Variants in SND1 observed in about 807,000 individuals in gnomAD.
SND1 encodes the protein staphylococcal nuclease and tudor domain containing 1.
SND1 carries 38 observed loss-of-function variants against 121.7 expected under a neutral mutation model. The observed-to-expected ratio is 0.31, with a 90% CI of 0.24 to 0.41. The LOEUF (loss-of-function observed/expected upper bound fraction) is 0.41, where lower values mean the gene tolerates loss of function less well. Among genes scored for constraint, SND1 ranks in the 10% least tolerant of loss-of-function variants. SND1 has a pLI of 1.00. For missense variants in SND1, 868 were observed against 1,184.6 expected (o/e 0.73, Z 3.92); for synonymous variants, 401 against 447.4 (o/e 0.90, Z 1.31).
At chr7:127,982,924 C>T (rs1034271127) in intron 15 of SND1, among the ~76,000 whole-genome samples, 1 of 152,208 alleles carries the variant, frequency 6.6e-6, no homozygotes, top group Non-Finnish European at 1.5e-5. Context: ...GTGATAACTA[C>T]ATTCCTTAAA....
intron 11 of SND1, among the ~76,000 whole-genome samples, chr7:127,823,473 CA>C (rs1348946456): frequency 6.6e-6 from 1 of 152,094 alleles, no homozygotes; most frequent in African/African-American, 2.4e-5. Flanking sequence ...CGGGACATCT[CA>C]GGGGGACTTA....
At chr7:127,968,594 G>A (rs1219432987) in intron 15 of SND1, among the ~76,000 whole-genome samples, 1 of 152,196 alleles carries the variant, frequency 6.6e-6, no homozygotes, top group Admixed American at 6.5e-5. Flanking sequence ...ATTGTGAAAT[G>A]TTATGTTCAT....
chr7:127,858,030 CA>C, intron 12 of SND1: 9 of 1,441,032 alleles, frequency 6.2e-6, no homozygotes, highest in Non-Finnish European at 8.8e-6. Context: ...ATTCCCACAT[CA>C]CATCCACCAG....
At chr7:127,891,639 G>A (rs1800010701) in intron 13 of SND1, among the ~76,000 whole-genome samples, 2 of 151,976 alleles carry the variant, frequency 1.3e-5, no homozygotes, top group African/African-American at 4.8e-5. Flanking sequence ...CTACCTCCCA[G>A]CTTCGTGTCC....
intron 16 of SND1, among the ~76,000 whole-genome samples, chr7:128,033,018 A>C (rs1563096584): frequency 6.6e-6 from 1 of 152,164 alleles, no homozygotes; most frequent in Non-Finnish European, 1.5e-5. Flanking sequence ...GCGGCTTCTC[A>C]GTCTTCGCTG....
Position 127,897,863 on chromosome 7 carries a change from T to G in SND1, c.1455-6884T>G, listed in dbSNP as rs1800150831. Among the ~76,000 whole-genome samples, 4 of 152,092 alleles carry G rather than the reference T, an allele frequency of 2.6e-5. No individual in the cohort carries two copies. In the South Asian group the frequency reaches 8.3e-4, roughly 32 times the overall value. On this transcript the variant is annotated intron_variant, in intron 13 of 23. Coordinates refer to ENST00000354725, the MANE Select transcript of SND1 (RefSeq NM_014390.4). ...TTTTTTCTTGAAATAGGATTATGAG[T>G]CATTGTTTCCTGAAATTTTTTTCTG...
intron 16 of SND1, among the ~76,000 whole-genome samples, chr7:128,060,099 C>G (rs2117032903): frequency 6.6e-6 from 1 of 152,300 alleles, no homozygotes. Context: ...CCCTTGCAAG[C>G]AGTTGCAGCT....
chr7:127,743,939 G>A (rs1223837996), intron 10 of SND1, among the ~76,000 whole-genome samples: 2 of 152,078 alleles, frequency 1.3e-5, no homozygotes, highest in Non-Finnish European at 2.9e-5. Flanking sequence ...TTATCGACGG[G>A]CATGTAAACT....
At chr7:127,858,137 G>A (rs1584622758) in intron 12 of SND1, 2 of 845,830 alleles carry the variant, frequency 2.4e-6, no homozygotes, top group Non-Finnish European at 4.2e-6. Flanking sequence ...TCTAGGGAGT[G>A]TGGGGGTGTG....
chr7:127,913,853 AAAGT>A (rs1426976551), intron 14 of SND1, among the ~76,000 whole-genome samples: 3 of 152,218 alleles, frequency 2.0e-5, no homozygotes, highest in African/African-American at 7.2e-5. Flanking sequence ...TAAACATTTC[AAAGT>A]AAGTAATTTC....
At chr7:128,033,449 A>C (rs1436024117) in intron 16 of SND1, among the ~76,000 whole-genome samples, 4 of 152,186 alleles carry the variant, frequency 2.6e-5, no homozygotes, top group Admixed American at 2.6e-4. Context: ...GGCTCGCTTG[A>C]TAAACCCTCA....
intron 15 of SND1, among the ~76,000 whole-genome samples, chr7:127,970,949 A>G (rs951580104): frequency 3.3e-5 from 5 of 152,054 alleles, no homozygotes; most frequent in Non-Finnish European, 7.3e-5. Flanking sequence ...GTCTCTATAA[A>G]TAAATAAATA....
intron 12 of SND1, among the ~76,000 whole-genome samples, chr7:127,848,892 A>C (rs1034527825): frequency 1.3e-5 from 2 of 152,184 alleles, no homozygotes; most frequent in Admixed American, 1.3e-4. Flanking sequence ...GGATGCTGGC[A>C]GGGCCTTGCT....
At chr7:127,720,376 G>C (rs3808096) in intron 9 of SND1, among the ~76,000 whole-genome samples, 9,027 of 152,150 alleles carry the variant, frequency 0.059, 385 homozygotes, top group Middle Eastern at 0.18. Context: ...GTAGTCTGCA[G>C]CTACCTTGTA....
intron 15 of SND1, among the ~76,000 whole-genome samples, chr7:127,932,681 A>ACAGCCACCACCTCCATCAG (rs1156380597): frequency 6.5e-5 from 9 of 137,670 alleles, no homozygotes; most frequent in Non-Finnish European, 1.5e-4. Flanking sequence ...TTTTTTTGCC[A>ACAGCCACCACCTCCATCAG]CAGCCACCAC....
chr7:127,872,065 G>A (rs548538459), intron 12 of SND1, among the ~76,000 whole-genome samples: 6 of 152,142 alleles, frequency 3.9e-5, no homozygotes, highest in Non-Finnish European at 8.8e-5. Flanking sequence ...CCAGAAGTTC[G>A]AGTCTGTGGT....
rs191135641 is a variant in SND1, at chr7:127,877,660, T to G, written c.1344-10242T>G. Among the ~76,000 whole-genome samples, 138 of 152,190 alleles carry G rather than the reference T, an allele frequency of 9.1e-4. 1 individual carries two copies. Among genetic ancestry groups the G allele is most frequent in the Middle Eastern group, 3.4e-3 (1 of 292 alleles). On this transcript the variant is annotated intron_variant, in intron 12 of 23. Transcript: ENST00000354725. ...GTTGCCCAGGCTGGTCTCAAACTCCTGAGCTCAAGGGATCCACCCACCTAG... is the reference window on the plus strand; with the variant it reads ...GTTGCCCAGGCTGGTCTCAAACTCCGGAGCTCAAGGGATCCACCCACCTAG...
intron 16 of SND1, among the ~76,000 whole-genome samples, chr7:128,068,760 G>C (rs1793359639): frequency 6.6e-6 from 1 of 152,214 alleles, no homozygotes; most frequent in East Asian, 1.9e-4. Flanking sequence ...CCACAGCTCG[G>C]CTGGGTGATC....
intron 16 of SND1, among the ~76,000 whole-genome samples, chr7:128,047,893 G>A (rs1274866736): frequency 6.6e-6 from 1 of 151,884 alleles, no homozygotes; most frequent in African/African-American, 2.4e-5. Context: ...TATTGCCCAG[G>A]CTAGAGTGCA....
Sources: gnomAD v4.1 joint callset for allele counts (sites outside exome capture counted in the v4.1 genomes callset) on GRCh38, gnomAD v4.1.1 for gene constraint, MANE v1.5 for transcripts, NCBI Gene and HGNC (gene_info 2026-07-23, HGNC 2026-07-21) for gene names.